The following DOP1A variants were observed in gnomAD, a reference collection of about 807,000 sequenced individuals.
DOP1A encodes the protein protein DOP1A.
In DOP1A, 90 loss-of-function variants were observed where a neutral mutation model predicts 267.6. The ratio of observed to expected loss-of-function variants is 0.34; its 90% CI spans 0.28 to 0.40. The LOEUF (loss-of-function observed/expected upper bound fraction) is 0.40, where lower values mean the gene tolerates loss of function less well. Ranked by LOEUF, DOP1A falls within the 10% of genes least tolerant of loss-of-function variation. The probability of loss-of-function intolerance (pLI) is 1.00; values close to 1 mark genes in which losing one functional copy is unlikely to be tolerated. For synonymous variants in DOP1A, 932 were observed against 999.1 expected (o/e 0.93, Z 1.27); for missense variants, 2,437 against 2,900.4 (o/e 0.84, Z 3.67).
chr6:83,129,214 C>G lies in DOP1A; in HGVS notation c.2047C>G (p.Gln683Glu). ...AMQCCLEYVQ[Q>E]FLTRLINLYI... ...GCAGTGCTGCTTGGAGTATGTCCAA[C>G]AGTTTCTTACCAGACTTATCAACCT... is the stretch of plus-strand genomic sequence containing the variant. Residue 683 changes from glutamine (Q) to glutamate (E), a missense_variant, in exon 16 of 39, where the codon CAG (glutamine) becomes GAG (glutamate). By Grantham distance (29) the Gln-to-Glu change is conservative (BLOSUM62 2). Around this residue, in one of 9 missense-constraint regions of DOP1A, gnomAD observed 498 missense variants for 513.5 expected, o/e 0.97. Transcript: ENST00000349129. 1 of 1,613,434 alleles carries G rather than the reference C, an allele frequency of 6.2e-7. No homozygotes were observed. Among genetic ancestry groups the G allele is most frequent in the South Asian group, 1.1e-5 (1 of 90,892 alleles).
intron 1 of DOP1A, among the ~76,000 whole-genome samples, chr6:83,091,358 C>T (rs888621069): frequency 1.3e-5 from 2 of 152,036 alleles, no homozygotes; most frequent in African/African-American, 4.8e-5. Flanking sequence ...AATGTCTCTT[C>T]TCATTTTTCA....
At chr6:83,167,527 C>T in intron 38 of DOP1A, 2 of 1,021,662 alleles carry the variant, frequency 2.0e-6, no homozygotes, top group South Asian at 4.5e-5. Context: ...AGTGAGGGTT[C>T]AGAAACCTGG....
At chr6:83,108,759 A>G in intron 4 of DOP1A, 151 bp from the exon 5 acceptor site, 2 of 659,680 alleles carry the variant, frequency 3.0e-6, no homozygotes, top group Non-Finnish European at 2.4e-6. Context: ...GTCTGGTTTA[A>G]TGGATGTAGT....
intron 27 of DOP1A, 42 bp downstream of exon 27, chr6:83,148,905 T>C: frequency 1.6e-6 from 2 of 1,236,168 alleles, no homozygotes; most frequent in Non-Finnish European, 2.2e-6. Context: ...AAAAGGATAA[T>C]GTTAATTGTC....
intron 4 of DOP1A, among the ~76,000 whole-genome samples, chr6:83,106,917 A>T (rs1773711625): frequency 6.6e-6 from 1 of 152,170 alleles, no homozygotes; most frequent in Non-Finnish European, 1.5e-5. Flanking sequence ...TAATAGTATC[A>T]CATGTTAAAT....
chr6:83,132,511 A>T (rs1450419361), intron 18 of DOP1A, among the ~76,000 whole-genome samples, 183 bp downstream of exon 18: 13 of 152,142 alleles, frequency 8.5e-5, no homozygotes, highest in Non-Finnish European at 1.3e-4. Context: ...TCTAGAGGAA[A>T]GTTCTTTACA....
intron 24 of DOP1A, among the ~76,000 whole-genome samples, chr6:83,145,204 A>AATATATATATATAT: frequency 1.5e-3 from 1 of 646 alleles, no homozygotes; most frequent in Admixed American, 0.02. Context: ...ATATATATAT[A>AATATATATATATAT]ATAATATATA....
Position 83,132,326 on chromosome 6 carries a change from A to G in DOP1A, c.2767A>G (p.Lys923Glu). 1.3e-6 allele frequency: 2 copies of G among 1,590,400 alleles called. No individual in the cohort carries two copies. Among genetic ancestry groups the G allele is most frequent in the Non-Finnish European group, 1.7e-6 (2 of 1,173,226 alleles). ...AAGTCAGCAGTTAACCCATAAAGAT[A>G]AGGTAAATCCTCTTATCTTGTGCAC... ...VISQQLTHKD[K>E]KIRMEAHAKF... is the part of the protein sequence containing the mutation. The change falls in exon 18 of 39, where the codon AAG (lysine) becomes GAG (glutamate). Residue 923 changes from lysine to glutamate, a missense_variant and splice_region_variant. Physicochemically the swap from Lys to Glu is moderately conservative, Grantham distance 56 (BLOSUM62 1). This residue lies in a region of DOP1A where 878 missense variants were observed against 992.9 expected (regional missense o/e 0.88). Coordinates refer to ENST00000349129, the MANE Select transcript of DOP1A (RefSeq NM_015018.4).
At chr6:83,108,231 G>A (rs1408208127) in intron 4 of DOP1A, among the ~76,000 whole-genome samples, 3 of 152,178 alleles carry the variant, frequency 2.0e-5, no homozygotes, top group Non-Finnish European at 2.9e-5. Context: ...CCTGGCTGGA[G>A]TACAGTGTCA....
In DOP1A at chr6:83,140,071, TC is replaced by T. The variant is rs1459574574; in HGVS notation, c.5194del (p.His1732IlefsTer18). 6.2e-7 allele frequency: 1 copy of T among 1,613,646 alleles called. No individual in the cohort carries two copies. Among genetic ancestry groups the T allele is most frequent in the African/African-American group, 1.3e-5 (1 of 74,916 alleles). On this transcript the variant is annotated frameshift_variant, in exon 22 of 39. Transcript: ENST00000349129. LOFTEE classifies it high-confidence loss of function. ...LTLLEGITAI[I>X]HYCLLDPTTQ... ...CTTTTGGAAGGGATTACAGCCATTATCCATTACTGTTTGTTGGATCCAACTA... is the reference window on the plus strand; with the variant it reads ...CTTTTGGAAGGGATTACAGCCATTATCATTACTGTTTGTTGGATCCAACTA...
chr6:83,129,462 T>C lies in DOP1A; in HGVS notation c.2295T>C (p.Ala765=), dbSNP rs1360965463. 5.7e-6 allele frequency: 9 copies of C among 1,571,638 alleles called. No individual in the cohort carries two copies. Among genetic ancestry groups the C allele is most frequent in the Non-Finnish European group, 7.7e-6 (9 of 1,166,000 alleles). ...GCTCAAGTTTCCCAGTTTACATTGC[T>C]GAGGGGAACCATACATCAGAGTTAC... ...LECSSFPVYI[A]EGNHTSELRS... The change falls in exon 16 of 39, where the codon GCT becomes GCC. Residue 765 remains alanine, a synonymous_variant. Transcript: ENST00000349129.
At chr6:83,166,308 C>A in intron 38 of DOP1A, 1 of 645,684 alleles carries the variant, frequency 1.5e-6, no homozygotes, top group South Asian at 1.8e-5. Context: ...CTCAATTGGT[C>A]ATTATCAATT....
chr6:83,157,994 T>G (rs969024545), intron 35 of DOP1A, among the ~76,000 whole-genome samples: 1 of 152,118 alleles, frequency 6.6e-6, no homozygotes, highest in African/African-American at 2.4e-5. Context: ...TTTCTTTTAT[T>G]TTTCCTTTTT....
intron 1 of DOP1A, among the ~76,000 whole-genome samples, chr6:83,092,589 G>C (rs1164636615): frequency 3.4e-5 from 4 of 117,378 alleles, no homozygotes; most frequent in Admixed American, 1.3e-4. Flanking sequence ...CCAGGGATAT[G>C]TTTTAAGACC....
chr6:83,133,953 A>G (rs1176785423), intron 18 of DOP1A, among the ~76,000 whole-genome samples: 1 of 152,132 alleles, frequency 6.6e-6, no homozygotes, highest in African/African-American at 2.4e-5. Flanking sequence ...AGGAATAATT[A>G]TTTATGAGAC....
intron 1 of DOP1A, among the ~76,000 whole-genome samples, chr6:83,074,907 TC>T (rs1766809456): frequency 6.6e-6 from 1 of 152,190 alleles, no homozygotes; most frequent in African/African-American, 2.4e-5. Context: ...TACGGTATTT[TC>T]AACTTAGGAT....
intron 10 of DOP1A, among the ~76,000 whole-genome samples, chr6:83,121,259 CAATAA>C (rs1776334987): frequency 6.6e-6 from 1 of 151,558 alleles, no homozygotes; most frequent in Non-Finnish European, 1.5e-5. Flanking sequence ...ATATTTACAG[CAATAA>C]AATGAAATCA....
intron 1 of DOP1A, among the ~76,000 whole-genome samples, chr6:83,084,326 T>C (rs527728104): frequency 1.3e-3 from 204 of 152,280 alleles, no homozygotes; most frequent in African/African-American, 4.7e-3. Flanking sequence ...TTATACCATA[T>C]AGCCAGGATG....
At chr6:83,132,596 G>A (rs1051521912) in intron 18 of DOP1A, among the ~76,000 whole-genome samples, 1 of 152,032 alleles carries the variant, frequency 6.6e-6, no homozygotes, top group Non-Finnish European at 1.5e-5. Context: ...ACACAGTTAT[G>A]GGAACTGATG....
Sources: gnomAD v4.1 joint callset for allele counts (sites outside exome capture counted in the v4.1 genomes callset) on GRCh38, gnomAD v4.1.1 for gene constraint, gnomAD v4.1.1 regional missense constraint, MANE v1.5 for transcripts, NCBI Gene and HGNC (gene_info 2026-07-23, HGNC 2026-07-21) for gene names.